Variants in DCTD observed in about 807,000 individuals in gnomAD.
The protein encoded by DCTD is dCMP deaminase.
Under a neutral mutation model 21.0 loss-of-function variants are expected in DCTD, and 23 were observed. The observed-to-expected ratio is 1.09, with a 90% CI of 0.79 to 1.55. The LOEUF (loss-of-function observed/expected upper bound fraction) is 1.55. Among genes scored for constraint, DCTD ranks in the 40% most tolerant of loss-of-function variants. DCTD has a pLI of 0.00. For missense variants in DCTD, 224 were observed against 230.0 expected (o/e 0.97, Z 0.17); for synonymous variants, 71 against 81.1 (o/e 0.88, Z 0.67).
At chr4:182,907,129 A>C (rs1174360976) in intron 3 of DCTD, among the ~76,000 whole-genome samples, 1 of 152,136 alleles carries the variant, frequency 6.6e-6, no homozygotes, top group Non-Finnish European at 1.5e-5. Context: ...ACTTAGACAT[A>C]GGATCTTTTT....
Position 182,891,188 on chromosome 4 carries a change from C to T in DCTD, c.*211G>A. On this transcript the variant is annotated 3_prime_UTR_variant, in exon 6 of 6. Coordinates refer to ENST00000438320, the MANE Select transcript of DCTD (RefSeq NM_001921.3). ...GTGCACCAGGCCACCACAGGCTCCC[C>T]TATTTTAAACCCTAAAGCAATAGTT... 2.0e-6 allele frequency: 1 copy of T among 499,784 alleles called. No individual in the cohort carries two copies. The highest frequency in any genetic ancestry group is 3.6e-6 in the Non-Finnish European group (1 of 281,526). The allele number at this position is 499,784 out of a possible 1,614,324, so 31.0% of individuals were successfully genotyped here. A position where few individuals can be genotyped will look rare whatever the true frequency, so the allele number is the denominator to read the frequency against.
chr4:182,893,420 G>A (rs1165826015), intron 4 of DCTD, among the ~76,000 whole-genome samples: 1 of 152,202 alleles, frequency 6.6e-6, no homozygotes, highest in African/African-American at 2.4e-5. Flanking sequence ...CCTTACTACA[G>A]GTAATCAAGG....
At chr4:182,901,663 T>G (rs551252569) in intron 3 of DCTD, among the ~76,000 whole-genome samples, 1 of 152,246 alleles carries the variant, frequency 6.6e-6, no homozygotes, top group Non-Finnish European at 1.5e-5. Context: ...GCTCATGGCC[T>G]TCTGGAATGA....
Position 182,917,224 on chromosome 4 carries a change from G to A in DCTD, c.-8+87C>T. The A allele has an allele frequency of 1.0e-6, 1 of 997,088 alleles. No homozygotes were observed. Among genetic ancestry groups the A allele is most frequent in the Middle Eastern group, 5.1e-4 (1 of 1,964 alleles). 61.8% of individuals were successfully genotyped at this position (997,088 alleles called of 1,614,324 possible). A position where few individuals can be genotyped will look rare whatever the true frequency, so the allele number is the denominator to read the frequency against. ...CCCAGGCCCCCGCCCGGCAGCCAGC[G>A]CCCCGCGCCACGCGCTCGGGACGGT... is the stretch of plus-strand genomic sequence containing the variant. On this transcript the variant is annotated intron_variant, in intron 1 of 5. Coordinates refer to ENST00000438320, the MANE Select transcript of DCTD (RefSeq NM_001921.3). This position sits in a 1 kb window ranked among gnomAD's most constrained non-coding sequence, Gnocchi z 4.9.
intron 3 of DCTD, among the ~76,000 whole-genome samples, chr4:182,906,609 A>T (rs929485852): frequency 2.6e-5 from 4 of 152,264 alleles, no homozygotes; most frequent in Non-Finnish European, 5.9e-5. Context: ...TGAAACTGGT[A>T]AGAGAACAGG....
chr4:182,903,791 C>T (rs1736173190), intron 3 of DCTD, among the ~76,000 whole-genome samples: 3 of 152,146 alleles, frequency 2.0e-5, no homozygotes, highest in African/African-American at 2.4e-5. Context: ...TTCTGCCTGT[C>T]TTCTCTGCTT....
intron 3 of DCTD, among the ~76,000 whole-genome samples, chr4:182,895,785 A>C (rs1165711383): frequency 4.6e-5 from 7 of 152,200 alleles, no homozygotes; most frequent in Non-Finnish European, 7.4e-5. Flanking sequence ...GAACACCCTT[A>C]GGCGCTTCCA....
intron 3 of DCTD, among the ~76,000 whole-genome samples, chr4:182,913,930 A>C (rs78026850): frequency 0.026 from 3,921 of 152,086 alleles, 59 homozygotes; most frequent in Non-Finnish European, 0.039. Flanking sequence ...AAATCCAGAG[A>C]CAGTCAAGCC....
chr4:182,915,654 T>C, intron 1 of DCTD, 79 bp from the exon 2 acceptor site: 2 of 1,004,664 alleles, frequency 2.0e-6, no homozygotes, highest in East Asian at 4.8e-5. Context: ...CCAACCACAC[T>C]GAACCTTTAA....
intron 3 of DCTD, among the ~76,000 whole-genome samples, chr4:182,913,743 A>G (rs907200298): frequency 5.9e-5 from 9 of 152,192 alleles, no homozygotes; most frequent in African/African-American, 1.9e-4. Context: ...AAAAATCAGC[A>G]ACCTGCATAC....
At chr4:182,917,400 C>G (rs1403879980), upstream of DCTD, 1 of 1,027,256 alleles carries the variant, frequency 9.7e-7, no homozygotes, top group Non-Finnish European at 1.2e-6. The surrounding 1 kb of genome is among the most constrained non-coding windows in gnomAD (Gnocchi z 4.9). Flanking sequence ...GCGGGGCCGC[C>G]GCGGGGCCGG....
chr4:182,906,371 A>G (rs13130566), intron 3 of DCTD, among the ~76,000 whole-genome samples: 9,212 of 152,204 alleles, frequency 0.061, 322 homozygotes, highest in South Asian at 0.1. Flanking sequence ...CTCCACAATT[A>G]GTCTGCAAAC....
At position 182,890,465 on chromosome 4, in the gene DCTD, C is replaced by A. The variant is rs566163843; in HGVS notation, c.*934G>T. On this transcript the variant is annotated 3_prime_UTR_variant, in exon 6 of 6. Transcript: ENST00000438320. ...GGTGGAATTTCTCACAATCCACTCA[C>A]GGGATAGGAATTAATTTTCTCTCCA... is the stretch of plus-strand genomic sequence containing the variant. 6.6e-6 allele frequency: 1 copy of A among 152,334 alleles called. No individual in the cohort carries two copies. Among genetic ancestry groups the A allele is most frequent in the Non-Finnish European group, 1.5e-5 (1 of 68,052 alleles). 9.4% of individuals were successfully genotyped at this position (152,334 alleles called of 1,614,324 possible).
Position 182,908,832 on chromosome 4 carries a change from C to T in DCTD, c.244+6091G>A, listed in dbSNP as rs77038202. 6.6e-5 allele frequency among the ~76,000 whole-genome samples: 10 copies of T among 152,176 alleles called. No individual in the cohort carries two copies. The East Asian group carries it at 1.5e-3, about 23-fold the overall frequency. ...ATGTGCCCCTGACATTTTATCAAGG[C>T]TACTAATTTTTCAACAAACCTTTTA... is the stretch of plus-strand genomic sequence containing the variant. On this transcript the variant is annotated intron_variant, in intron 3 of 5. Coordinates refer to ENST00000438320, the MANE Select transcript of DCTD (RefSeq NM_001921.3).
intron 3 of DCTD, among the ~76,000 whole-genome samples, chr4:182,910,900 C>T (rs937883458): frequency 1.3e-5 from 2 of 152,218 alleles, no homozygotes; most frequent in Non-Finnish European, 2.9e-5. Context: ...GTGTGTGTTT[C>T]CCTCCTCCCC....
At chr4:182,906,864 G>A (rs559337932) in intron 3 of DCTD, among the ~76,000 whole-genome samples, 54 of 152,296 alleles carry the variant, frequency 3.5e-4, no homozygotes, top group African/African-American at 1.3e-3. Context: ...CTAATTGGTT[G>A]GCACCGACCC....
Position 182,907,927 on chromosome 4 carries a change from C to T in DCTD, c.244+6996G>A, listed in dbSNP as rs140966523. ...CAAACCTGGAACCCTTGGCTCCTTA[C>T]GGCGGCTCCAGGATTCTTTCGTGTG... is the stretch of plus-strand genomic sequence containing the variant. On this transcript the variant is annotated intron_variant, in intron 3 of 5. Transcript: ENST00000438320. Among the ~76,000 whole-genome samples the T allele has an allele frequency of 2.8e-3, 419 of 152,184 alleles. 1 individual carries two copies. Among genetic ancestry groups the T allele is most frequent in the African/African-American group, 9.7e-3 (403 of 41,522 alleles).
At chr4:182,911,106 G>A (rs1737587745) in intron 3 of DCTD, 1 of 152,162 alleles carries the variant, frequency 6.6e-6, no homozygotes. Flanking sequence ...GGTTCTGGAG[G>A]CTGGAAGTCA....
chr4:182,900,185 G>A (rs949060117), intron 3 of DCTD, among the ~76,000 whole-genome samples: 30 of 152,102 alleles, frequency 2.0e-4, no homozygotes, highest in African/African-American at 5.6e-4. Flanking sequence ...GTATGGTGGC[G>A]TGCACCTGTA....
Sources: gnomAD v4.1 joint callset for allele counts (sites outside exome capture counted in the v4.1 genomes callset) on GRCh38, gnomAD v4.1.1 for gene constraint, Gnocchi (gnomAD v3.1) non-coding constraint, MANE v1.5 for transcripts, NCBI Gene and HGNC (gene_info 2026-07-23, HGNC 2026-07-21) for gene names.